The following NBAS variants were observed in gnomAD, a reference collection of about 807,000 sequenced individuals.
NBAS encodes the protein NBAS subunit of NRZ tethering complex.
In NBAS, 219 loss-of-function variants were observed where a neutral mutation model predicts 302.5. The observed-to-expected ratio is 0.72, with a 90% CI of 0.65 to 0.81. The LOEUF (loss-of-function observed/expected upper bound fraction) is 0.81, where lower values mean the gene tolerates loss of function less well. NBAS is among the 30% of genes least tolerant of loss of function. NBAS has a pLI of 0.00. For synonymous variants in NBAS, 1,118 were observed against 1,021.6 expected (o/e 1.09, Z -1.80); for missense variants, 2,932 against 2,841.6 (o/e 1.03, Z -0.72).
At chr2:15,401,870 A>T (rs1676167918) in intron 26 of NBAS, among the ~76,000 whole-genome samples, 1 of 152,152 alleles carries the variant, frequency 6.6e-6, no homozygotes, top group African/African-American at 2.4e-5. Flanking sequence ...GACTTATAAA[A>T]AGTAGTTTTT....
Position 15,539,216 on chromosome 2 carries a change from T to A in NBAS, c.513+7A>T, listed in dbSNP as rs755979316. 3.1e-6 allele frequency: 5 copies of A among 1,614,060 alleles called. No individual in the cohort carries two copies. The highest frequency in any genetic ancestry group is 8.5e-7 in the Non-Finnish European group (1 of 1,180,024). On this transcript the variant is annotated splice_region_variant and intron_variant, in intron 7 of 51. Coordinates refer to ENST00000281513, the MANE Select transcript of NBAS (RefSeq NM_015909.4). ...AACTATGTTTTCAATTTAAGCTATGTACATACCGGGGAAATGACAAAGAGT... is the reference window on the plus strand; with the variant it reads ...AACTATGTTTTCAATTTAAGCTATGAACATACCGGGGAAATGACAAAGAGT...
intron 32 of NBAS, among the ~76,000 whole-genome samples, chr2:15,359,636 T>A (rs1007457852): frequency 1.3e-5 from 2 of 152,170 alleles, no homozygotes; most frequent in East Asian, 3.8e-4. Context: ...CCTTTCAACA[T>A]ATTCCTTTAC....
the NBAS span, among the ~76,000 whole-genome samples, chr2:15,092,762 G>A: frequency 3.9e-5 from 6 of 152,208 alleles, no homozygotes; most frequent in East Asian, 1.9e-4. Context: ...ATATGAAGTC[G>A]GCTTTAAAAA....
At chr2:14,869,794 A>C in the NBAS span, among the ~76,000 whole-genome samples, 1 of 152,270 alleles carries the variant, frequency 6.6e-6, no homozygotes, top group Admixed American at 6.5e-5. Flanking sequence ...AAGATGTCCA[A>C]GCTGGTTAGC....
chr2:15,449,649 C>T (rs1202214682), intron 21 of NBAS, among the ~76,000 whole-genome samples: 1 of 152,080 alleles, frequency 6.6e-6, no homozygotes, highest in African/African-American at 2.4e-5. Context: ...AAAGTGCCCA[C>T]AGTGCCAGAA....
chr2:15,270,563 G>A (rs1412447936), intron 44 of NBAS, among the ~76,000 whole-genome samples: 6 of 152,120 alleles, frequency 3.9e-5, no homozygotes, highest in Non-Finnish European at 8.8e-5. Context: ...AAAGCATCCT[G>A]AGATCAAAAG....
chr2:15,171,604 G>A (rs964240164), intron 51 of NBAS, among the ~76,000 whole-genome samples: 6 of 152,076 alleles, frequency 3.9e-5, no homozygotes, highest in South Asian at 2.1e-4. Flanking sequence ...CGAAATTATC[G>A]GCATAGGACA....
the NBAS span, among the ~76,000 whole-genome samples, chr2:14,789,691 C>T: frequency 2.0e-5 from 3 of 152,172 alleles, no homozygotes; most frequent in Admixed American, 6.5e-5. Flanking sequence ...AGTAATTTTG[C>T]AAGATTGGAG....
chr2:15,240,145 C>T (rs1320388264), intron 44 of NBAS, among the ~76,000 whole-genome samples: 4 of 152,060 alleles, frequency 2.6e-5, no homozygotes, highest in Non-Finnish European at 5.9e-5. Flanking sequence ...AAGACTCCTA[C>T]GACAGACTCT....
chr2:14,865,492 T>C, the NBAS span, among the ~76,000 whole-genome samples: 5 of 152,160 alleles, frequency 3.3e-5, no homozygotes, highest in Non-Finnish European at 5.9e-5. Context: ...ATAGCTCCTT[T>C]GCCATGAAAG....
the NBAS span, among the ~76,000 whole-genome samples, chr2:14,964,889 T>C: frequency 6.6e-6 from 1 of 152,142 alleles, no homozygotes; most frequent in Non-Finnish European, 1.5e-5. Flanking sequence ...AGAATCTCTT[T>C]CAATATTGCC....
At chr2:15,044,674 G>T in the NBAS span, among the ~76,000 whole-genome samples, 1 of 152,138 alleles carries the variant, frequency 6.6e-6, no homozygotes, top group Admixed American at 6.5e-5. Flanking sequence ...GCATAATGGG[G>T]GTTATAATCT....
chr2:15,271,921 CA>C (rs1226123496), intron 44 of NBAS, among the ~76,000 whole-genome samples: 1 of 151,668 alleles, frequency 6.6e-6, no homozygotes, highest in Non-Finnish European at 1.5e-5. Context: ...ACAACAACAA[CA>C]AAAAAAAGCA....
At chr2:15,102,972 T>C in the NBAS span, among the ~76,000 whole-genome samples, 2 of 87,792 alleles carry the variant, frequency 2.3e-5, no homozygotes, top group Non-Finnish European at 4.1e-5. Flanking sequence ...TGGGGAGGCA[T>C]TAAGGAGGAA....
chr2:14,902,635 C>G, the NBAS span, among the ~76,000 whole-genome samples: 2 of 152,124 alleles, frequency 1.3e-5, no homozygotes, highest in Non-Finnish European at 2.9e-5. Flanking sequence ...GAATTTTGCT[C>G]ATTGGCAATG....
the NBAS span, among the ~76,000 whole-genome samples, chr2:15,049,457 G>A: frequency 3.3e-5 from 5 of 152,188 alleles, no homozygotes; most frequent in African/African-American, 9.6e-5. Flanking sequence ...CTCATCACCT[G>A]TGGGACCCCA....
the NBAS span, among the ~76,000 whole-genome samples, chr2:14,891,421 T>A: frequency 6.6e-6 from 1 of 152,192 alleles, no homozygotes; most frequent in African/African-American, 2.4e-5. Flanking sequence ...TATAGGTACC[T>A]CATTCTGACA....
At chr2:14,856,966 A>G in the NBAS span, among the ~76,000 whole-genome samples, 1 of 152,220 alleles carries the variant, frequency 6.6e-6, no homozygotes, top group Non-Finnish European at 1.5e-5. Context: ...AAGCAAATTT[A>G]GTAAGGTTGC....
intron 45 of NBAS, among the ~76,000 whole-genome samples, chr2:15,238,057 G>A (rs1667683326): frequency 6.6e-6 from 1 of 152,124 alleles, no homozygotes; most frequent in East Asian, 1.9e-4. Context: ...TTACAGGAGT[G>A]AGCCACCGCG....
Sources: allele counts gnomAD v4.1 joint callset (sites outside exome capture counted in the v4.1 genomes callset), GRCh38; gene constraint gnomAD v4.1.1; transcripts MANE v1.5; gene names NCBI Gene and HGNC (gene_info 2026-07-23, HGNC 2026-07-21).